LZTS3: variants seen among roughly 807,000 people sequenced by gnomAD.
The protein encoded by LZTS3 is leucine zipper putative tumor suppressor 3.
LZTS3 carries 16 observed loss-of-function variants against 50.9 expected under a neutral mutation model. The ratio of observed to expected loss-of-function variants is 0.31; its 90% CI spans 0.21 to 0.48. The LOEUF (loss-of-function observed/expected upper bound fraction) is 0.48. LZTS3 is among the 20% of genes least tolerant of loss of function. The probability of loss-of-function intolerance (pLI) is 0.99; values close to 1 mark genes in which losing one functional copy is unlikely to be tolerated. For missense variants in LZTS3, 816 were observed against 931.0 expected, an observed-to-expected ratio of 0.88 and a Z score of 1.61; for synonymous variants, 408 against 410.6, an observed-to-expected ratio of 0.99 and a Z score of 0.08.
intron 3 of LZTS3, 99 bp downstream of exon 3, chr20:3,166,606 C>T (rs1052047590): frequency 8.8e-6 from 13 of 1,469,580 alleles, no homozygotes; most frequent in Non-Finnish European, 1.2e-5. Flanking sequence ...ATCCTGCCCC[C>T]ACAACCCAAC....
Position 3,166,522 on chromosome 20 carries a change from C to G in LZTS3, c.460-162G>C, listed in dbSNP as rs529527169. On this transcript the variant is annotated intron_variant, in intron 3 of 4. Coordinates refer to ENST00000337576, the MANE Select transcript of LZTS3 (RefSeq NM_001365618.1). The stretch of plus-strand genomic sequence containing the variant: ...GTTCTACCTCATGGCTCCCTGATAC[C>G]AGATCTCTGTCCTTGATCTACCCGC... Among the ~76,000 whole-genome samples, 4 of 152,204 alleles carry G rather than the reference C, an allele frequency of 2.6e-5. No individual in the cohort carries two copies. In the South Asian group the frequency reaches 8.3e-4, roughly 32 times the overall value.
In LZTS3 at chr20:3,165,436, C is replaced by G. The variant is rs1301001731; in HGVS notation, c.1323+61G>C. On this transcript the variant is annotated intron_variant, in intron 4 of 4. Transcript: ENST00000337576. The surrounding 1 kb of genome is among the most constrained non-coding windows in gnomAD (Gnocchi z 5.0). ...GTTATGATAGTGAGGGGCAACTGCT[C>G]TGGGGTTTCCCAGAGGGACAGAAGG... is the stretch of plus-strand genomic sequence containing the variant. 1.5e-6 allele frequency: 2 copies of G among 1,319,308 alleles called. No homozygotes were observed. Among genetic ancestry groups the G allele is most frequent in the East Asian group, 4.0e-5 (1 of 24,812 alleles). The allele number at this position is 1,319,308 out of a possible 1,614,324, so 81.7% of individuals were successfully genotyped here.
Position 3,164,697 on chromosome 20 carries a change from G to C in LZTS3, c.1779C>G (p.Arg593=). The C allele has an allele frequency of 6.3e-7, 1 of 1,575,816 alleles. No homozygotes were observed. ...ELAAERRARE[R]QGASFAEERR... Reference sequence around the variant, plus strand: ...GCTCCTCGGCGAAGCTGGCACCCTGGCGCTCCCGGGCCCGCCGCTCAGCCG... The same window carrying C: ...GCTCCTCGGCGAAGCTGGCACCCTGCCGCTCCCGGGCCCGCCGCTCAGCCG... Residue 593 remains arginine, a synonymous_variant, in exon 5 of 5, where the codon CGC becomes CGG. Coordinates refer to ENST00000337576, the MANE Select transcript of LZTS3 (RefSeq NM_001365618.1).
Position 3,169,297 on chromosome 20 carries a change from T to C in LZTS3, c.-242-1336A>G, listed in dbSNP as rs575212531. 2.0e-4 allele frequency among the ~76,000 whole-genome samples: 30 copies of C among 152,268 alleles called. No homozygotes were observed. In the Middle Eastern group the frequency reaches 0.017, roughly 86 times the overall value. On this transcript the variant is annotated intron_variant, in intron 1 of 4. Coordinates refer to ENST00000337576, the MANE Select transcript of LZTS3 (RefSeq NM_001365618.1). ...ATGCCTCAGCCCTGCAACCCCCTCCTACCTTAAGTATGGACCCTTCTCTTG... is the reference window on the plus strand; with the variant it reads ...ATGCCTCAGCCCTGCAACCCCCTCCCACCTTAAGTATGGACCCTTCTCTTG...
At position 3,165,956 on chromosome 20, in the gene LZTS3, C is replaced by T. The variant is rs959197146; in HGVS notation, c.864G>A (p.Ser288=). 10 of 1,612,920 alleles carry T rather than the reference C, an allele frequency of 6.2e-6. No individual in the cohort carries two copies. Among genetic ancestry groups the T allele is most frequent in the Admixed American group, 1.7e-5 (1 of 60,032 alleles). ...GGTGGCCTGGCCGCCCCATAGATGA[C>T]GACGACCCACTCTTGCTGGAGGCCC... is the stretch of plus-strand genomic sequence containing the variant. ...SGRASSKSGS[S]SSMGRPGHLG... The change falls in exon 4 of 5, where the codon TCG becomes TCA. Residue 288 remains serine, a synonymous_variant. Transcript: ENST00000337576. This position sits in a 1 kb window ranked among gnomAD's most constrained non-coding sequence, Gnocchi z 5.0.
At chr20:3,167,205 G>C in intron 2 of LZTS3, 24 bp from the exon 3 acceptor site, 2 of 1,438,402 alleles carry the variant, frequency 1.4e-6, no homozygotes, top group South Asian at 2.9e-5. Flanking sequence ...TGGGAAGGCA[G>C]AGATAGGTAA....
Position 3,164,298 on chromosome 20 carries a change from G to T in LZTS3, c.*156C>A. Reference sequence around the variant, plus strand: ...CGGGGGCAGTGCTGGAGCTAGGAGGGCAGGTGGGGAGGGAGGAACCTGGTC... The same window carrying T: ...CGGGGGCAGTGCTGGAGCTAGGAGGTCAGGTGGGGAGGGAGGAACCTGGTC... On this transcript the variant is annotated 3_prime_UTR_variant, in exon 5 of 5. Coordinates refer to ENST00000337576, the MANE Select transcript of LZTS3 (RefSeq NM_001365618.1). The T allele has an allele frequency of 2.8e-6, 2 of 723,898 alleles. No individual in the cohort carries two copies. The highest frequency in any genetic ancestry group is 4.1e-6 in the Non-Finnish European group (2 of 487,992). The allele number at this position is 723,898 out of a possible 1,614,324, so 44.8% of individuals were successfully genotyped here. A position where few individuals can be genotyped will look rare whatever the true frequency, so the allele number is the denominator to read the frequency against.
chr20:3,165,491 C>A lies in LZTS3; in HGVS notation c.1323+6G>T. The A allele has an allele frequency of 6.5e-7, 1 of 1,527,148 alleles. No individual in the cohort carries two copies. The highest frequency in any genetic ancestry group is 1.9e-5 in the Admixed American group (1 of 51,768). 94.6% of individuals were successfully genotyped at this position (1,527,148 alleles called of 1,614,324 possible). On this transcript the variant is annotated splice_donor_region_variant and intron_variant, in intron 4 of 4. Transcript: ENST00000337576. The surrounding 1 kb of genome is among the most constrained non-coding windows in gnomAD (Gnocchi z 5.0). The stretch of plus-strand genomic sequence containing the variant: ...CAGAGGGGAGGCCCAGATCCCCAGC[C>A]CGCACCTCCCACTTAGTTTCCTCTA...
chr20:3,166,348 G>A lies in LZTS3; in HGVS notation c.472C>T (p.Leu158=). ...GGCTTGAAGGCCGACGGCCGAACTAGTGGTTCTGAGCACTGCAGGAAACGC... is the reference window on the plus strand; with the variant it reads ...GGCTTGAAGGCCGACGGCCGAACTAATGGTTCTGAGCACTGCAGGAAACGC... ...SGKLDQCSEP[L]VRPSAFKPVV... is the part of the protein sequence containing the mutation. Residue 158 remains leucine, a synonymous_variant, in exon 4 of 5, where the codon CTA becomes TTA. Coordinates refer to ENST00000337576, the MANE Select transcript of LZTS3 (RefSeq NM_001365618.1). The A allele has an allele frequency of 6.2e-7, 1 of 1,608,928 alleles. No homozygotes were observed. The highest frequency in any genetic ancestry group is 8.5e-7 in the Non-Finnish European group (1 of 1,177,344).
chr20:3,167,678 G>C, intron 2 of LZTS3, 60 bp downstream of exon 2: 3 of 986,852 alleles, frequency 3.0e-6, no homozygotes, highest in Non-Finnish European at 3.6e-6. Context: ...AATTAGGGGA[G>C]GGAGAGAAAT....
At position 3,167,731 on chromosome 20, in the gene LZTS3, CCCTAA is replaced by C. The variant is rs996296085; in HGVS notation, c.-19+2_-19+6del. The C allele has an allele frequency of 2.0e-6, 2 of 985,632 alleles. No homozygotes were observed. Among genetic ancestry groups the C allele is most frequent in the African/African-American group, 1.7e-5 (1 of 57,228 alleles). 61.1% of individuals were successfully genotyped at this position (985,632 alleles called of 1,614,324 possible). A position where few individuals can be genotyped will look rare whatever the true frequency, so the allele number is the denominator to read the frequency against. ...TTGAGGGTGGGGGTCCTTCCCAGCC[CCCTAA>C]CCTAAGTGTTGCAGTCAGGGCAGAA... On this transcript the variant is annotated splice_donor_variant and splice_donor_5th_base_variant and intron_variant, in intron 2 of 4. Coordinates refer to ENST00000337576, the MANE Select transcript of LZTS3 (RefSeq NM_001365618.1). LOFTEE classifies it low-confidence loss of function (5UTR_SPLICE).
Position 3,165,205 on chromosome 20 carries a change from C to G in LZTS3, c.1324-53G>C. Reference sequence around the variant, plus strand: ...CCAGGTAAAGGCAGAGCTCTGCTCACCCCAACCCAGCTACCAGATCTGGAG... The same window carrying G: ...CCAGGTAAAGGCAGAGCTCTGCTCAGCCCAACCCAGCTACCAGATCTGGAG... On this transcript the variant is annotated intron_variant, in intron 4 of 4. Transcript: ENST00000337576. This position sits in a 1 kb window ranked among gnomAD's most constrained non-coding sequence, Gnocchi z 5.0. The G allele has an allele frequency of 7.0e-7, 1 of 1,433,570 alleles. No homozygotes were observed. Among genetic ancestry groups the G allele is most frequent in the South Asian group, 1.4e-5 (1 of 70,102 alleles). The allele number at this position is 1,433,570 out of a possible 1,614,324, so 88.8% of individuals were successfully genotyped here. A position where few individuals can be genotyped will look rare whatever the true frequency, so the allele number is the denominator to read the frequency against.
At chr20:3,168,775 G>C (rs2066867248) in intron 1 of LZTS3, among the ~76,000 whole-genome samples, 1 of 152,222 alleles carries the variant, frequency 6.6e-6, no homozygotes, top group Non-Finnish European at 1.5e-5. Flanking sequence ...ACTACACCCT[G>C]CATAAACCAG....
At position 3,166,204 on chromosome 20, in the gene LZTS3, T is replaced by C. The variant is rs772180867; in HGVS notation, c.616A>G (p.Met206Val). 3 of 1,613,704 alleles carry C rather than the reference T, an allele frequency of 1.9e-6. No individual in the cohort carries two copies. Among genetic ancestry groups the C allele is most frequent in the Admixed American group, 3.3e-5 (2 of 59,940 alleles). The change falls in exon 4 of 5, where the codon ATG (methionine) becomes GTG (valine). Residue 206 changes from methionine (M) to valine (V), a missense_variant. Met to Val is a conservative substitution (Grantham distance 21). Around this residue, in one of 3 missense-constraint regions of LZTS3, gnomAD observed 700 missense variants for 769.4 expected, o/e 0.91. Transcript: ENST00000337576. ...CTCCCACTCCCACCCGCTGGAGTCA[T>C]GGTCCGAGACTTGTCCAGTCCGCCT... is the stretch of plus-strand genomic sequence containing the variant. ...LKGGLDKSRT[M>V]TPAGGSGSGL...
chr20:3,169,662 T>C (rs980698191), intron 1 of LZTS3, among the ~76,000 whole-genome samples: 8 of 152,030 alleles, frequency 5.3e-5, no homozygotes, highest in African/African-American at 1.4e-4. Context: ...GCAGATTACT[T>C]GAGGCCAAGA....
In LZTS3 at chr20:3,165,586, G is replaced by C. The variant is rs139087046; in HGVS notation, c.1234C>G (p.Arg412Gly). 3.1e-6 allele frequency: 5 copies of C among 1,596,132 alleles called. No individual in the cohort carries two copies. Among genetic ancestry groups the C allele is most frequent in the Non-Finnish European group, 3.4e-6 (4 of 1,178,462 alleles). The change falls in exon 4 of 5, where the codon CGG (arginine) becomes GGG (glycine). Residue 412 changes from arginine to glycine, a missense_variant. Arg to Gly is a moderately radical substitution (Grantham distance 125, BLOSUM62 -2). Coordinates refer to ENST00000337576, the MANE Select transcript of LZTS3 (RefSeq NM_001365618.1). This position sits in a 1 kb window ranked among gnomAD's most constrained non-coding sequence, Gnocchi z 5.0. ...TTGTCCTCCAGCTCTTCCCGCTGCC[G>C]CATCAGCCGGGCCGCCTCCTCCTGC... ...QLQEEAARLM[R>G]QREELEDKVA... is the part of the protein sequence containing the mutation.
chr20:3,164,819 C>A lies in LZTS3; in HGVS notation c.1657G>T (p.Ala553Ser), dbSNP rs560065394. The change falls in exon 5 of 5, where the codon GCC becomes TCC. Residue 553 changes from alanine (A) to serine (S), a missense_variant. By Grantham distance (99) the Ala-to-Ser change is moderately conservative. This residue lies in a region of LZTS3 where 700 missense variants were observed against 769.4 expected (regional missense o/e 0.91). Coordinates refer to ENST00000337576, the MANE Select transcript of LZTS3 (RefSeq NM_001365618.1). ...TCCCCGTCCACGGAAACCAAGGAGG[C>A]GGCAGCGGCCACCCCGGCCTGACGG... ...MRRQAGVAAA[A>S]SLVSVDGEAE... The A allele has an allele frequency of 1.5e-5, 23 of 1,543,904 alleles. No homozygotes were observed. In the South Asian group the frequency reaches 2.7e-4, roughly 18 times the overall value.
intron 3 of LZTS3, 93 bp from the exon 4 acceptor site, chr20:3,166,453 C>T: frequency 2.8e-6 from 4 of 1,424,266 alleles, no homozygotes; most frequent in Non-Finnish European, 3.7e-6. Context: ...CCAGCCCCAC[C>T]TCCCACCCCT....
At position 3,166,744 on chromosome 20, in the gene LZTS3, G is replaced by T; in HGVS notation, c.420C>A (p.His140Gln). ...CAGAGGTGGCCAGGAGCTTGGGTGGGTGGCTGGGCTCACGATACTGCGGTG... is the reference window on the plus strand; with the variant it reads ...CAGAGGTGGCCAGGAGCTTGGGTGGTTGGCTGGGCTCACGATACTGCGGTG... The part of the protein sequence containing the change: ...KAPPQYREPS[H>Q]PPKLLATSGK... The change falls in exon 3 of 5, where the codon CAC (histidine) becomes CAA (glutamine). Residue 140 changes from histidine to glutamine, a missense_variant. By Grantham distance (24) the His-to-Gln change is conservative (BLOSUM62 0). Transcript: ENST00000337576. 1 of 1,613,894 alleles carries T rather than the reference G, an allele frequency of 6.2e-7. No homozygotes were observed.
Sources: allele counts gnomAD v4.1 joint callset (sites outside exome capture counted in the v4.1 genomes callset), GRCh38; gene constraint gnomAD v4.1.1; regional missense constraint gnomAD v4.1.1; non-coding constraint Gnocchi (gnomAD v3.1); transcripts MANE v1.5; gene names NCBI Gene and HGNC (gene_info 2026-07-23, HGNC 2026-07-21).